DAAM2: variants seen among roughly 807,000 people sequenced by gnomAD.
DAAM2 encodes the protein disheveled-associated activator of morphogenesis 2.
Under a neutral mutation model 120.7 loss-of-function variants are expected in DAAM2, and 39 were observed. The ratio of observed to expected loss-of-function variants is 0.32; its 90% CI spans 0.25 to 0.42. DAAM2 has a LOEUF of 0.42. DAAM2 is among the 10% of genes least tolerant of loss of function. The pLI is 1.00. For missense variants in DAAM2, 1,283 were observed against 1,401.7 expected (o/e 0.92, Z 1.35); for synonymous variants, 488 against 524.9 (o/e 0.93, Z 0.96).
chr6:39,897,480 C>T, intron 21 of DAAM2, 198 bp downstream of exon 21: 1 of 501,624 alleles, frequency 2.0e-6, no homozygotes, highest in South Asian at 2.3e-5. Context: ...AAGAAGATAT[C>T]TTGTGAGTTA....
intron 1 of DAAM2, among the ~76,000 whole-genome samples, chr6:39,835,635 C>T (rs930917060): frequency 6.6e-6 from 1 of 152,242 alleles, no homozygotes; most frequent in Non-Finnish European, 1.5e-5. Flanking sequence ...GGAAGGAACT[C>T]TTGCCATCCA....
chr6:39,851,256 C>A (rs981607650), intron 1 of DAAM2, among the ~76,000 whole-genome samples: 1 of 152,192 alleles, frequency 6.6e-6, no homozygotes, highest in South Asian at 2.1e-4. Flanking sequence ...TAGTGGCTTA[C>A]TGCTTTAGAG....
chr6:39,832,440 A>T (rs1762950700), intron 1 of DAAM2, among the ~76,000 whole-genome samples: 1 of 152,082 alleles, frequency 6.6e-6, no homozygotes, highest in Admixed American at 6.5e-5. Flanking sequence ...ATGATGATTG[A>T]TGACATAATA....
intron 3 of DAAM2, chr6:39,862,727 C>T (rs1387274487): frequency 7.7e-6 from 1 of 130,036 alleles, no homozygotes; most frequent in African/African-American, 2.9e-5. Context: ...ATCACTTGAA[C>T]CTGGGAGGTG....
At chr6:39,823,719 C>T (rs747233512) in intron 1 of DAAM2, among the ~76,000 whole-genome samples, 3 of 152,178 alleles carry the variant, frequency 2.0e-5, no homozygotes, top group South Asian at 2.1e-4. Flanking sequence ...TGACTTGTGC[C>T]TCACCACCCT....
intron 1 of DAAM2, among the ~76,000 whole-genome samples, chr6:39,792,828 C>A (rs1013986420): frequency 2.6e-5 from 4 of 152,206 alleles, no homozygotes; most frequent in Admixed American, 1.3e-4. Flanking sequence ...ACAGAAGATA[C>A]CCCGCAAAAC....
chr6:39,899,041 A>AATG, intron 22 of DAAM2, 104 bp downstream of exon 22: 12 of 898,672 alleles, frequency 1.3e-5, no homozygotes, highest in Non-Finnish European at 2.0e-5. Context: ...CAATGGGTAC[A>AATG]GCCTCTAGCA....
intron 1 of DAAM2, among the ~76,000 whole-genome samples, chr6:39,813,376 C>G (rs1411229016): frequency 6.6e-6 from 1 of 152,066 alleles, no homozygotes; most frequent in Non-Finnish European, 1.5e-5. Flanking sequence ...ACCAGAAGAT[C>G]TAAGGTAAAT....
At position 39,901,265 on chromosome 6, in the gene DAAM2, G is replaced by C. The variant is rs7765077; in HGVS notation, c.2812-37G>C. ...CAGGGGCTGAGCCCAGCATGCTCCA[G>C]GGCACTCTCCACCAATCCTGTTCTG... On this transcript the variant is annotated intron_variant, in intron 23 of 24. Transcript: ENST00000274867. This position sits in a 1 kb window ranked among gnomAD's most constrained non-coding sequence, Gnocchi z 4.5. 2.5e-6 allele frequency: 4 copies of C among 1,591,220 alleles called. No individual in the cohort carries two copies. Among genetic ancestry groups the C allele is most frequent in the Non-Finnish European group, 3.4e-6 (4 of 1,165,126 alleles).
At chr6:39,875,526 T>C in intron 11 of DAAM2, 58 bp downstream of exon 11, 1 of 1,571,826 alleles carries the variant, frequency 6.4e-7, no homozygotes, top group Non-Finnish European at 8.7e-7. Context: ...ACTCTCCCAC[T>C]CTGGTCTCAC....
chr6:39,799,690 G>A (rs899234629), intron 1 of DAAM2, among the ~76,000 whole-genome samples: 1 of 152,116 alleles, frequency 6.6e-6, no homozygotes, highest in African/African-American at 2.4e-5. Context: ...ATGACACTAG[G>A]CAGGTCATTT....
Position 39,900,096 on chromosome 6 carries a change from G to A in DAAM2, c.2699G>A (p.Arg900His), listed in dbSNP as rs372205807. ...CCTCAGGAGCTGGAGTATCAGAGGCGCCAGGTACGGGAGCCCAGTGACAAG... is the reference window on the plus strand; with the variant it reads ...CCTCAGGAGCTGGAGTATCAGAGGCACCAGGTACGGGAGCCCAGTGACAAG... ...AVEVELEYQR[R>H]QVREPSDKFV... The change falls in exon 23 of 25, where the codon CGC becomes CAC. Residue 900 changes from arginine to histidine, a missense_variant. This residue lies in a region of DAAM2 where 748 missense variants were observed against 768.6 expected (regional missense o/e 0.97). Transcript: ENST00000274867. 135 of 1,600,226 alleles carry A rather than the reference G, an allele frequency of 8.4e-5. No individual in the cohort carries two copies. In the East Asian group the frequency reaches 1.4e-3, roughly 16 times the overall value.
intron 1 of DAAM2, among the ~76,000 whole-genome samples, chr6:39,827,695 G>T (rs753925278): frequency 6.6e-6 from 1 of 152,134 alleles, no homozygotes; most frequent in Non-Finnish European, 1.5e-5. Context: ...CTCTGTCTTT[G>T]TGTGAAGTGT....
intron 1 of DAAM2, among the ~76,000 whole-genome samples, chr6:39,804,039 C>T (rs181285038): frequency 7.2e-5 from 11 of 152,328 alleles, no homozygotes; most frequent in Admixed American, 2.6e-4. Context: ...GTGGGCATTG[C>T]TGTCCTGGTC....
At chr6:39,873,809 C>G (rs1248224337) in intron 10 of DAAM2, among the ~76,000 whole-genome samples, 1 of 152,128 alleles carries the variant, frequency 6.6e-6, no homozygotes. Flanking sequence ...CACTCTTGCC[C>G]CTGCTTCTGC....
intron 1 of DAAM2, among the ~76,000 whole-genome samples, chr6:39,827,270 G>T (rs1005639151): frequency 6.6e-6 from 1 of 152,018 alleles, no homozygotes; most frequent in African/African-American, 2.4e-5. Context: ...TCAGTTTCTC[G>T]CCTGTAAAGC....
At chr6:39,875,156 T>C (rs1460406140) in intron 10 of DAAM2, among the ~76,000 whole-genome samples, 174 bp from the exon 11 acceptor site, 3 of 152,144 alleles carry the variant, frequency 2.0e-5, no homozygotes, top group African/African-American at 7.2e-5. Flanking sequence ...AAGAGATGAC[T>C]GAATCAGTGA....
At chr6:39,855,890 A>G (rs1044916889) in intron 1 of DAAM2, among the ~76,000 whole-genome samples, 1 of 152,192 alleles carries the variant, frequency 6.6e-6, no homozygotes, top group African/African-American at 2.4e-5. Flanking sequence ...GAAGACAGGG[A>G]ATAGGAGCCC....
chr6:39,825,834 A>T (rs1028940841), intron 1 of DAAM2, among the ~76,000 whole-genome samples: 3 of 152,140 alleles, frequency 2.0e-5, no homozygotes, highest in Non-Finnish European at 4.4e-5. Context: ...CCTGCACACT[A>T]CATGCAGTGG....
Sources: gnomAD v4.1 joint callset for allele counts (sites outside exome capture counted in the v4.1 genomes callset) on GRCh38, gnomAD v4.1.1 for gene constraint, gnomAD v4.1.1 regional missense constraint, Gnocchi (gnomAD v3.1) non-coding constraint, MANE v1.5 for transcripts, NCBI Gene and HGNC (gene_info 2026-07-23, HGNC 2026-07-21) for gene names.